SRRT: variants seen among roughly 807,000 people sequenced by gnomAD.
SRRT encodes the protein serrate, RNA effector molecule, also known as serrate RNA effector molecule homolog.
In SRRT, 32 loss-of-function variants were observed where a neutral mutation model predicts 103.2. The observed-to-expected ratio is 0.31, with a 90% CI of 0.23 to 0.42. The LOEUF is 0.42. Ranked by LOEUF, SRRT falls within the 10% of genes least tolerant of loss-of-function variation. The probability of loss-of-function intolerance (pLI) is 1.00; values close to 1 mark genes in which losing one functional copy is unlikely to be tolerated. For synonymous variants in SRRT, 525 were observed against 449.0 expected (o/e 1.17, Z -2.14); for missense variants, 986 against 1,207.5 (o/e 0.82, Z 2.72).
At position 100,888,225 on chromosome 7, in the gene SRRT, G is replaced by A. The variant is rs1554440467; in HGVS notation, c.2429-32G>A. 1.2e-5 allele frequency: 20 copies of A among 1,601,848 alleles called. 1 individual carries two copies. The South Asian group carries it at 2.2e-4, about 18-fold the overall frequency. On this transcript the variant is annotated intron_variant, in intron 18 of 19. Transcript: ENST00000611405. ...AACAGAGGATGGAATTGAGGACATA[G>A]TTTTGCAACTCAACACTGATCTCTG...
chr7:100,885,468 A>C lies in SRRT; in HGVS notation c.1317+98A>C. 7.4e-7 allele frequency: 1 copy of C among 1,357,760 alleles called. No homozygotes were observed. The highest frequency in any genetic ancestry group is 1.0e-6 in the Non-Finnish European group (1 of 994,064). 84.1% of individuals were successfully genotyped at this position (1,357,760 alleles called of 1,614,324 possible). A position where few individuals can be genotyped will look rare whatever the true frequency, so the allele number is the denominator to read the frequency against. On this transcript the variant is annotated intron_variant, in intron 10 of 19. Transcript: ENST00000611405. The surrounding 1 kb of genome is among the most constrained non-coding windows in gnomAD (Gnocchi z 4.8). ...TGCCTGTGACAGATGCCCCCGTTTC[A>C]CCTGCTAGGGAGGCCCCTTCCCCAG...
chr7:100,878,647 A>G (rs1390624236), intron 2 of SRRT, among the ~76,000 whole-genome samples: 1 of 152,086 alleles, frequency 6.6e-6, no homozygotes, highest in Non-Finnish European at 1.5e-5. Context: ...ATGAATATCT[A>G]CAGTTAATCT....
chr7:100,887,162 G>A lies in SRRT; in HGVS notation c.1937G>A (p.Arg646Gln), dbSNP rs1790211606. 2 of 1,614,140 alleles carry A rather than the reference G, an allele frequency of 1.2e-6. No individual in the cohort carries two copies. The highest frequency in any genetic ancestry group is 1.1e-5 in the South Asian group (1 of 91,076). The stretch of plus-strand genomic sequence containing the variant: ...AATCGCTGTGGGATCATCCACGTTC[G>A]GGGGCCCATGCCACCCAACCGCATC... ...MPNRCGIIHVRGPMPPNRISH... is the reference protein window; with the variant it reads ...MPNRCGIIHVQGPMPPNRISH... The change falls in exon 15 of 20, where the codon CGG becomes CAG. Residue 646 changes from arginine to glutamine, a missense_variant. Physicochemically the swap from Arg to Gln is conservative, Grantham distance 43. Around this residue, in one of 6 missense-constraint regions of SRRT, gnomAD observed 349 missense variants for 446.9 expected, o/e 0.78. Transcript: ENST00000611405. This position sits in a 1 kb window ranked among gnomAD's most constrained non-coding sequence, Gnocchi z 4.1.
chr7:100,886,224 T>C, intron 12 of SRRT, 23 bp from the exon 13 acceptor site: 1 of 1,602,888 alleles, frequency 6.2e-7, no homozygotes, highest in Non-Finnish European at 8.5e-7. Context: ...TGGGGTAAGC[T>C]GCTGATGATG....
At chr7:100,881,880 G>A in intron 4 of SRRT, 75 bp downstream of exon 4, 1 of 1,525,426 alleles carries the variant, frequency 6.6e-7, no homozygotes. Context: ...CATGGCTGAA[G>A]CCAGGGAGCG....
intron 8 of SRRT, 37 bp from the exon 9 acceptor site, chr7:100,884,886 G>A: frequency 1.2e-6 from 2 of 1,613,888 alleles, no homozygotes; most frequent in Non-Finnish European, 1.7e-6. Context: ...TGGGGTTCTG[G>A]CACGCTGACT....
At chr7:100,876,591 G>C (rs551535006) in intron 2 of SRRT, among the ~76,000 whole-genome samples, 1 of 152,306 alleles carries the variant, frequency 6.6e-6, no homozygotes, top group African/African-American at 2.4e-5. Context: ...GACAATATAT[G>C]ATTAGGTTTC....
intron 1 of SRRT, 114 bp from the exon 2 acceptor site, chr7:100,875,459 G>A (rs768125764): frequency 3.2e-6 from 5 of 1,543,304 alleles, no homozygotes; most frequent in Middle Eastern, 1.8e-4. Context: ...GGATGGTGGG[G>A]GCCGCGGAGG....
chr7:100,888,409 T>A, intron 19 of SRRT, 26 bp downstream of exon 19: 1 of 1,613,056 alleles, frequency 6.2e-7, no homozygotes, highest in Non-Finnish European at 8.5e-7. Flanking sequence ...GCCCAAGCTT[T>A]GTTGCCGCCT....
At chr7:100,879,101 G>T (rs908223044) in intron 2 of SRRT, among the ~76,000 whole-genome samples, 20 of 152,048 alleles carry the variant, frequency 1.3e-4, no homozygotes, top group African/African-American at 4.3e-4. Context: ...GATTACAGGT[G>T]CCTGCCACCA....
chr7:100,887,128 G>C lies in SRRT; in HGVS notation c.1903G>C (p.Glu635Gln), dbSNP rs1430483729. Residue 635 changes from glutamate (E) to glutamine (Q), a missense_variant, in exon 15 of 20, where the codon GAG becomes CAG. Around this residue, in one of 6 missense-constraint regions of SRRT, gnomAD observed 349 missense variants for 446.9 expected, o/e 0.78. Coordinates refer to ENST00000611405, the MANE Select transcript of SRRT (RefSeq NM_015908.6). This position sits in a 1 kb window ranked among gnomAD's most constrained non-coding sequence, Gnocchi z 4.1. Reference protein sequence around the residue: ...YNTCEYPNEDEMPNRCGIIHV... With the variant: ...YNTCEYPNEDQMPNRCGIIHV... The stretch of plus-strand genomic sequence containing the variant: ...CACCTGTGAGTACCCCAACGAGGAC[G>C]AGATGCCCAATCGCTGTGGGATCAT... 1 of 1,614,208 alleles carries C rather than the reference G, an allele frequency of 6.2e-7. No homozygotes were observed. Among genetic ancestry groups the C allele is most frequent in the East Asian group, 2.2e-5 (1 of 44,878 alleles).
At chr7:100,880,403 C>T (rs531183713) in intron 2 of SRRT, among the ~76,000 whole-genome samples, 4 of 152,184 alleles carry the variant, frequency 2.6e-5, no homozygotes, top group African/African-American at 7.2e-5. Flanking sequence ...CCCGGGTCCA[C>T]GCCATTCTCC....
In SRRT at chr7:100,885,891, G is replaced by T; in HGVS notation, c.1408G>T (p.Asp470Tyr). ...RFFRRGWVTF[D>Y]RSVNIKEICW... is the part of the protein sequence containing the mutation. ...TTTCCGTCGTGGCTGGGTGACCTTC[G>T]ACCGCAGTGTTAACATTAAAGAGAT... Residue 470 changes from aspartate to tyrosine, a missense_variant, in exon 12 of 20, where the codon GAC becomes TAC. Transcript: ENST00000611405. This position sits in a 1 kb window ranked among gnomAD's most constrained non-coding sequence, Gnocchi z 4.8. The T allele has an allele frequency of 6.2e-7, 1 of 1,613,974 alleles. No individual in the cohort carries two copies. Among genetic ancestry groups the T allele is most frequent in the Non-Finnish European group, 8.5e-7 (1 of 1,180,008 alleles).
chr7:100,882,377 A>G lies in SRRT; in HGVS notation c.587+136A>G. The G allele has an allele frequency of 2.1e-6, 2 of 950,176 alleles. No individual in the cohort carries two copies. The highest frequency in any genetic ancestry group is 1.7e-5 in the South Asian group (1 of 58,296). The allele number at this position is 950,176 out of a possible 1,614,324, so 58.9% of individuals were successfully genotyped here. A position where few individuals can be genotyped will look rare whatever the true frequency, so the allele number is the denominator to read the frequency against. ...GGCGGGGGTCGGGAAGTATGACAGC[A>G]TTGGCTGATGGGGTCTCCCCCTCAC... is the stretch of plus-strand genomic sequence containing the variant. On this transcript the variant is annotated intron_variant, in intron 5 of 19. Transcript: ENST00000611405. The surrounding 1 kb of genome is among the most constrained non-coding windows in gnomAD (Gnocchi z 4.2).
intron 2 of SRRT, chr7:100,880,636 A>AG (rs1816211689): frequency 5.4e-6 from 2 of 369,074 alleles, no homozygotes; most frequent in Non-Finnish European, 1.1e-5. Flanking sequence ...GCTGAATTTG[A>AG]GGGGGTGATG....
chr7:100,875,817 G>A, intron 2 of SRRT, 105 bp downstream of exon 2: 1 of 1,442,568 alleles, frequency 6.9e-7, no homozygotes. Flanking sequence ...CGAATCCTAT[G>A]AAATGGCTCA....
At chr7:100,881,074 C>A (rs1452452819) in intron 2 of SRRT, among the ~76,000 whole-genome samples, 1 of 139,742 alleles carries the variant, frequency 7.2e-6, no homozygotes, top group African/African-American at 2.7e-5. Context: ...TGTGGCATAT[C>A]CAGCTGTATC....
intron 2 of SRRT, 28 bp downstream of exon 2, chr7:100,875,740 C>G: frequency 6.2e-7 from 1 of 1,611,992 alleles, no homozygotes; most frequent in Non-Finnish European, 8.5e-7. Context: ...TCATCTTGTC[C>G]CCGTTTCATG....
chr7:100,877,362 A>G (rs1815834044), intron 2 of SRRT, among the ~76,000 whole-genome samples: 1 of 129,362 alleles, frequency 7.7e-6, no homozygotes, highest in Admixed American at 8.6e-5. Context: ...CACAGGTTGT[A>G]GTGAGCTGAG....
Sources: allele counts gnomAD v4.1 joint callset (sites outside exome capture counted in the v4.1 genomes callset), GRCh38; gene constraint gnomAD v4.1.1; regional missense constraint gnomAD v4.1.1; non-coding constraint Gnocchi (gnomAD v3.1); transcripts MANE v1.5; gene names NCBI Gene and HGNC (gene_info 2026-07-23, HGNC 2026-07-21).